Variants in ZBTB34 observed in about 807,000 individuals in gnomAD.
ZBTB34 encodes zinc finger and BTB domain-containing protein 34.
ZBTB34 carries 1 observed loss-of-function variant against 33.4 expected under a neutral mutation model. The ratio of observed to expected loss-of-function variants is 0.03; its 90% CI spans 0.01 to 0.14. The LOEUF (loss-of-function observed/expected upper bound fraction) is 0.14. Ranked by LOEUF, ZBTB34 falls within the 10% of genes least tolerant of loss-of-function variation. The pLI is 1.00. For missense variants in ZBTB34, 406 were observed against 657.2 expected (o/e 0.62, Z 4.18); for synonymous variants, 283 against 253.5 (o/e 1.12, Z -1.11).
chr9:126,865,721 ATTCCTGTAATCCCAGC>A (rs2033191714), intron 1 of ZBTB34, among the ~76,000 whole-genome samples: 1 of 152,202 alleles, frequency 6.6e-6, no homozygotes, highest in African/African-American at 2.4e-5. Flanking sequence ...GCAGTAGCTC[ATTCCTGTAATCCCAGC>A]ACTTTGGGAG....
exon 2 of ZBTB34, chr9:126,884,474 TTTTAG>T (rs745427452): frequency 5.4e-5 from 9 of 166,964 alleles, no homozygotes; most frequent in Non-Finnish European, 1.3e-4. Flanking sequence ...GTTGTTGTTG[TTTTAG>T]TTTAGTTTTT....
chr9:126,867,627 A>T (rs2033224705), intron 1 of ZBTB34, among the ~76,000 whole-genome samples: 1 of 149,596 alleles, frequency 6.7e-6, no homozygotes, highest in African/African-American at 2.5e-5. Flanking sequence ...GAAAAGGGGT[A>T]TTTTTTTTGT....
chr9:126,861,827 C>T (rs2033146787), intron 1 of ZBTB34, among the ~76,000 whole-genome samples: 1 of 152,172 alleles, frequency 6.6e-6, no homozygotes, highest in Non-Finnish European at 1.5e-5. Flanking sequence ...ATTGCAACAG[C>T]TTCTAAGCTG....
At chr9:126,869,583 G>A (rs974758466) in intron 1 of ZBTB34, among the ~76,000 whole-genome samples, 3 of 152,146 alleles carry the variant, frequency 2.0e-5, no homozygotes, top group African/African-American at 7.2e-5. Context: ...GCCCAGGCTG[G>A]TGTGGGGGCG....
chr9:126,885,576 T>C (rs148336832), exon 2 of ZBTB34: 1 of 167,122 alleles, frequency 6.0e-6, no homozygotes, highest in Non-Finnish European at 1.5e-5. Context: ...TCTTGCAATA[T>C]AAACTGGTAA....
At chr9:126,863,396 CT>C (rs1298157553) in intron 1 of ZBTB34, among the ~76,000 whole-genome samples, 1 of 152,210 alleles carries the variant, frequency 6.6e-6, no homozygotes, top group Non-Finnish European at 1.5e-5. Flanking sequence ...AGCTGCTGAA[CT>C]GTGTACCTAC....
chr9:126,869,243 G>C (rs2033247797), intron 1 of ZBTB34, among the ~76,000 whole-genome samples: 1 of 143,526 alleles, frequency 7.0e-6, no homozygotes, highest in South Asian at 2.2e-4. Context: ...CCTAGGGCAG[G>C]AATGTAACAC....
intron 1 of ZBTB34, among the ~76,000 whole-genome samples, chr9:126,864,527 A>G (rs1239934526): frequency 6.6e-6 from 1 of 152,202 alleles, no homozygotes; most frequent in East Asian, 1.9e-4. Flanking sequence ...AGGAAATGTA[A>G]CAGTTTGGAT....
At chr9:126,877,751 T>C (rs949054825) in intron 1 of ZBTB34, among the ~76,000 whole-genome samples, 1 of 152,248 alleles carries the variant, frequency 6.6e-6, no homozygotes, top group African/African-American at 2.4e-5. Context: ...ACGCCTGTTA[T>C]CTCAGCACTT....
rs558116530 is a variant in ZBTB34, at chr9:126,880,845, C to T, written c.1446C>T (p.Asp482=). Residue 482 remains aspartate (D), a synonymous_variant, in exon 2 of 2, where the codon GAC becomes GAT. Coordinates refer to ENST00000319119, the Ensembl canonical transcript of ZBTB34. The surrounding 1 kb of genome is among the most constrained non-coding windows in gnomAD (Gnocchi z 6.7). ...ACGTGGAACAGAAACTAGAAAATGA[C>T]GCATCGGCCTCAGAGATGGGCCTAG... is the stretch of plus-strand genomic sequence containing the variant. 40 of 1,613,532 alleles carry T rather than the reference C, an allele frequency of 2.5e-5. No individual in the cohort carries two copies. The Middle Eastern group carries it at 9.9e-4, about 40-fold the overall frequency.
At chr9:126,868,309 TGTC>T (rs2033235482) in intron 1 of ZBTB34, among the ~76,000 whole-genome samples, 1 of 152,320 alleles carries the variant, frequency 6.6e-6, no homozygotes, top group Admixed American at 6.5e-5. Context: ...TTACCAAGCC[TGTC>T]GTCATATGGT....
At chr9:126,885,743 G>C (rs772110801) in exon 2 of ZBTB34, 1 of 167,060 alleles carries the variant, frequency 6.0e-6, no homozygotes, top group Non-Finnish European at 1.5e-5. Context: ...CTTTGTTTTA[G>C]ATTTGTGACA....
chr9:126,864,034 G>C (rs951229403), intron 1 of ZBTB34, among the ~76,000 whole-genome samples: 3 of 152,188 alleles, frequency 2.0e-5, no homozygotes, highest in Non-Finnish European at 2.9e-5. Context: ...GACTTTGTCT[G>C]TGTGGTGGAA....
At chr9:126,864,269 C>T (rs1359996454) in intron 1 of ZBTB34, among the ~76,000 whole-genome samples, 2 of 152,136 alleles carry the variant, frequency 1.3e-5, no homozygotes, top group African/African-American at 2.4e-5. Context: ...TTTGCTTCCT[C>T]GTCTGTAGAA....
chr9:126,870,811 G>C (rs2033267249), intron 1 of ZBTB34, among the ~76,000 whole-genome samples: 3 of 152,020 alleles, frequency 2.0e-5, no homozygotes, highest in South Asian at 4.1e-4. Flanking sequence ...CCTGTGGCCT[G>C]AGTTACTAGG....
chr9:126,880,259 A>G lies in ZBTB34; in HGVS notation c.860A>G (p.Tyr287Cys). 6.2e-7 allele frequency: 1 copy of G among 1,613,744 alleles called. No homozygotes were observed. The highest frequency in any genetic ancestry group is 8.5e-7 in the Non-Finnish European group (1 of 1,179,870). The change falls in exon 2 of 2, where the codon TAC becomes TGC. Residue 287 changes from tyrosine (Y) to cysteine (C), a missense_variant. By Grantham distance (194) the Tyr-to-Cys change is radical. Coordinates refer to ENST00000319119, the Ensembl canonical transcript of ZBTB34. The surrounding 1 kb of genome is among the most constrained non-coding windows in gnomAD (Gnocchi z 6.7). ...TATGGTTCTGTGCTCCAGCACGCATACTCCTATTCCCAAGCAGCCTCACAG... is the reference window on the plus strand; with the variant it reads ...TATGGTTCTGTGCTCCAGCACGCATGCTCCTATTCCCAAGCAGCCTCACAG...
At position 126,869,622 on chromosome 9, in the gene ZBTB34, G is replaced by A. The variant is rs115734854; in HGVS notation, c.-11+8883G>A. Among the ~76,000 whole-genome samples, 1,122 of 152,192 alleles carry A rather than the reference G, an allele frequency of 7.4e-3. 15 individuals carry two copies. The highest frequency in any genetic ancestry group is 0.026 in the African/African-American group (1,065 of 41,512). On this transcript the variant is annotated intron_variant, in intron 1 of 1. Coordinates refer to ENST00000319119, the Ensembl canonical transcript of ZBTB34. ...GGGTGCCTGGAAGTAGGAGAATGTC[G>A]GTCCTGCCCACATCAGAGGTGGTCC... is the stretch of plus-strand genomic sequence containing the variant.
chr9:126,864,017 C>A (rs899547285), intron 1 of ZBTB34, among the ~76,000 whole-genome samples: 25 of 152,210 alleles, frequency 1.6e-4, no homozygotes, highest in African/African-American at 6.0e-4. Flanking sequence ...AGTGTCAGAC[C>A]CAGCCTGACT....
intron 1 of ZBTB34, among the ~76,000 whole-genome samples, chr9:126,864,885 A>G (rs2033180794): frequency 6.6e-6 from 1 of 152,152 alleles, no homozygotes; most frequent in Non-Finnish European, 1.5e-5. Flanking sequence ...ATGACTTTGT[A>G]TGAAAATGAA....
Sources: allele counts gnomAD v4.1 joint callset (sites outside exome capture counted in the v4.1 genomes callset), GRCh38; gene constraint gnomAD v4.1.1; non-coding constraint Gnocchi (gnomAD v3.1); transcripts MANE v1.5; gene names NCBI Gene and HGNC (gene_info 2026-07-23, HGNC 2026-07-21).